The following FILIP1L variants were observed in gnomAD, a reference collection of about 807,000 sequenced individuals.
The protein encoded by FILIP1L is filamin A-interacting protein 1-like.
FILIP1L carries 55 observed loss-of-function variants against 96.6 expected under a neutral mutation model. The ratio of observed to expected loss-of-function variants is 0.57; its 90% CI spans 0.46 to 0.71. The LOEUF is 0.71. Among genes scored for constraint, FILIP1L ranks in the 30% least tolerant of loss-of-function variants. The probability of loss-of-function intolerance (pLI) is 0.00; values close to 1 mark genes in which losing one functional copy is unlikely to be tolerated. For missense variants in FILIP1L, 1,304 were observed against 1,321.2 expected (o/e 0.99, Z 0.20); for synonymous variants, 467 against 473.9 (o/e 0.99, Z 0.19).
Position 99,872,632 on chromosome 3 carries a change from A to G in FILIP1L, c.606-21562T>C, listed in dbSNP as rs1037142832. 2.6e-5 allele frequency among the ~76,000 whole-genome samples: 4 copies of G among 152,144 alleles called. No individual in the cohort carries two copies. The South Asian group carries it at 6.2e-4, about 24-fold the overall frequency. ...TTTAAAAAAAATTCTATACTTAACA[A>G]TTTATCATATTTTGGAGCCAGTAGA... is the stretch of plus-strand genomic sequence containing the variant. On this transcript the variant is annotated intron_variant, in intron 4 of 5. Transcript: ENST00000477258.
chr3:99,889,139 T>G (rs780342909), intron 4 of FILIP1L, among the ~76,000 whole-genome samples: 4 of 152,190 alleles, frequency 2.6e-5, no homozygotes, highest in Non-Finnish European at 5.9e-5. Context: ...ATTGTGTTGT[T>G]AAGATCTTCT....
At chr3:100,089,981 T>C (rs1252237571) in intron 1 of FILIP1L, among the ~76,000 whole-genome samples, 1 of 152,218 alleles carries the variant, frequency 6.6e-6, no homozygotes, top group African/African-American at 2.4e-5. Context: ...AGTACACTCA[T>C]CTTCCCTACT....
chr3:99,871,633 C>T (rs1015207286), intron 4 of FILIP1L, among the ~76,000 whole-genome samples: 1 of 152,142 alleles, frequency 6.6e-6, no homozygotes, highest in Admixed American at 6.5e-5. Context: ...GTTTTGAAGG[C>T]ATTGAGTCAC....
rs71625540 is a variant in FILIP1L, at chr3:99,829,228, A to AT, written c.*1185dup. On this transcript the variant is annotated 3_prime_UTR_variant, in exon 6 of 6. Transcript: ENST00000477258. Reference sequence around the variant, plus strand: ...AAAAATGTTTAGTGTCGTTCCATTGATTTTTTTCCCCCCTCGATTGAAGCT... The same window carrying AT: ...AAAAATGTTTAGTGTCGTTCCATTGATTTTTTTTCCCCCCTCGATTGAAGCT... Among the ~76,000 whole-genome samples the AT allele has an allele frequency of 5.9e-5, 9 of 151,876 alleles. No homozygotes were observed. The highest frequency in any genetic ancestry group is 3.9e-4 in the East Asian group (2 of 5,150).
intron 1 of FILIP1L, among the ~76,000 whole-genome samples, chr3:99,931,296 G>C (rs1164029457): frequency 1.3e-5 from 2 of 152,136 alleles, no homozygotes; most frequent in Non-Finnish European, 2.9e-5. Context: ...GGCTGTGTTT[G>C]AACTTCATCC....
chr3:99,929,071 G>C (rs1707388158), intron 3 of FILIP1L, among the ~76,000 whole-genome samples: 1 of 152,174 alleles, frequency 6.6e-6, no homozygotes, highest in African/African-American at 2.4e-5. Context: ...TCACTCTCCA[G>C]CCTCAACTCA....
chr3:99,976,878 T>A (rs1386908177), intron 1 of FILIP1L, among the ~76,000 whole-genome samples: 1 of 152,178 alleles, frequency 6.6e-6, no homozygotes, highest in East Asian at 1.9e-4. Context: ...TCTGGCTTCC[T>A]ACCTTGCCCC....
chr3:99,959,608 A>G (rs1708435140), intron 1 of FILIP1L, among the ~76,000 whole-genome samples: 1 of 152,224 alleles, frequency 6.6e-6, no homozygotes, highest in African/African-American at 2.4e-5. Flanking sequence ...GCAGTCTGAT[A>G]AATTGAATTT....
At chr3:99,909,560 G>A (rs1706726492) in intron 4 of FILIP1L, among the ~76,000 whole-genome samples, 1 of 152,166 alleles carries the variant, frequency 6.6e-6, no homozygotes, top group East Asian at 1.9e-4. Flanking sequence ...TCTTTTAGGT[G>A]AAGCAGAAAC....
At position 100,043,214 on chromosome 3, in the gene FILIP1L, G is replaced by T. The variant is rs1438959434; in HGVS notation, c.-11+70839C>A. On this transcript the variant is annotated intron_variant, in intron 1 of 5. Coordinates refer to ENST00000477258, the MANE Select transcript of FILIP1L (RefSeq NM_001387850.1). ...CATATCCAGTATTTCATTCTTTACTGTGTTGTGCCTTATCTGCTCTCTGTA... is the reference window on the plus strand; with the variant it reads ...CATATCCAGTATTTCATTCTTTACTTTGTTGTGCCTTATCTGCTCTCTGTA... Among the ~76,000 whole-genome samples the T allele has an allele frequency of 1.3e-5, 2 of 152,202 alleles. 1 individual carries two copies. The highest frequency in any genetic ancestry group is 2.9e-5 in the Non-Finnish European group (2 of 68,044).
At chr3:99,913,298 C>A (rs893062657) in intron 4 of FILIP1L, among the ~76,000 whole-genome samples, 1 of 152,238 alleles carries the variant, frequency 6.6e-6, no homozygotes, top group African/African-American at 2.4e-5. Flanking sequence ...TTTTCCAATG[C>A]ACCATTTTAC....
intron 1 of FILIP1L, among the ~76,000 whole-genome samples, chr3:100,087,805 C>T (rs1324684694): frequency 1.3e-5 from 2 of 149,650 alleles, no homozygotes. Flanking sequence ...AACACAAACT[C>T]ACAAAGATTT....
intron 1 of FILIP1L, among the ~76,000 whole-genome samples, chr3:100,106,814 G>A (rs974255385): frequency 6.6e-6 from 1 of 152,138 alleles, no homozygotes; most frequent in Non-Finnish European, 1.5e-5. Context: ...CCTGTAGTAT[G>A]TTTTCATATG....
chr3:99,906,690 TC>T (rs993465323), intron 4 of FILIP1L, among the ~76,000 whole-genome samples: 4 of 152,178 alleles, frequency 2.6e-5, no homozygotes, highest in African/African-American at 9.7e-5. Context: ...ACTTTAATTG[TC>T]CCCCTCTTCC....
At chr3:99,912,221 T>C (rs1054377685) in intron 4 of FILIP1L, among the ~76,000 whole-genome samples, 1 of 152,086 alleles carries the variant, frequency 6.6e-6, no homozygotes, top group African/African-American at 2.4e-5. Context: ...AAAACATTAT[T>C]TTAAGTGAAA....
chr3:99,853,862 G>GA (rs1160389263), intron 4 of FILIP1L, among the ~76,000 whole-genome samples: 2 of 152,156 alleles, frequency 1.3e-5, no homozygotes, highest in Non-Finnish European at 2.9e-5. Context: ...TTTATATGCA[G>GA]AAAAAACTAT....
chr3:99,964,438 A>C (rs1390551552), intron 1 of FILIP1L: 1 of 152,500 alleles, frequency 6.6e-6, no homozygotes, highest in African/African-American at 2.4e-5. Flanking sequence ...TCAAGGCCAA[A>C]CCACTTACAT....
intron 1 of FILIP1L, chr3:100,023,317 A>T (rs1457618130): frequency 1.3e-5 from 2 of 152,670 alleles, no homozygotes; most frequent in African/African-American, 2.4e-5. Flanking sequence ...TTATGCAAAC[A>T]GAGCCTGGCT....
intron 4 of FILIP1L, among the ~76,000 whole-genome samples, chr3:99,863,088 T>G (rs1436945619): frequency 6.6e-6 from 1 of 152,170 alleles, no homozygotes; most frequent in Non-Finnish European, 1.5e-5. Context: ...GGGACCAGTT[T>G]TGTCAAAGAC....
Sources: allele counts gnomAD v4.1 joint callset (sites outside exome capture counted in the v4.1 genomes callset), GRCh38; gene constraint gnomAD v4.1.1; transcripts MANE v1.5; gene names NCBI Gene and HGNC (gene_info 2026-07-23, HGNC 2026-07-21).